GALNT13: variants seen among roughly 807,000 people sequenced by gnomAD.
GALNT13 encodes polypeptide N-acetylgalactosaminyltransferase 13.
In GALNT13, 28 loss-of-function variants were observed where a neutral mutation model predicts 64.2. The ratio of observed to expected loss-of-function variants is 0.44; its 90% CI spans 0.32 to 0.60. The LOEUF (loss-of-function observed/expected upper bound fraction) is 0.60, where lower values mean the gene tolerates loss of function less well. Among genes scored for constraint, GALNT13 ranks in the 20% least tolerant of loss-of-function variants. The pLI is 0.05. For missense variants in GALNT13, 577 were observed against 669.8 expected (o/e 0.86, Z 1.53); for synonymous variants, 214 against 224.6 (o/e 0.95, Z 0.42).
At chr2:154,318,942 A>G (rs1694474294) in intron 9 of GALNT13, among the ~76,000 whole-genome samples, 1 of 152,104 alleles carries the variant, frequency 6.6e-6, no homozygotes, top group Non-Finnish European at 1.5e-5. Flanking sequence ...TACAGAGAGC[A>G]TATGATAATC....
chr2:154,076,951 A>G lies in GALNT13; in HGVS notation c.143-63386A>G, dbSNP rs558386199. On this transcript the variant is annotated intron_variant, in intron 3 of 12. Transcript: ENST00000392825. ...AGTGAAACTTATTAACGTTTGCAGCATTTCCTAAGGTGGTCTCTAAAATCT... is the reference window on the plus strand; with the variant it reads ...AGTGAAACTTATTAACGTTTGCAGCGTTTCCTAAGGTGGTCTCTAAAATCT... Among the ~76,000 whole-genome samples, 4 of 151,724 alleles carry G rather than the reference A, an allele frequency of 2.6e-5. No individual in the cohort carries two copies. In the East Asian group the frequency reaches 7.8e-4, roughly 29 times the overall value.
chr2:153,965,268 C>T (rs1178679974), intron 3 of GALNT13, among the ~76,000 whole-genome samples: 4 of 152,016 alleles, frequency 2.6e-5, no homozygotes, highest in African/African-American at 4.8e-5. Context: ...TATACTTGTC[C>T]TATTGTACTA....
At chr2:154,208,646 G>GTGTGTGTGTT (rs1553495808) in intron 4 of GALNT13, among the ~76,000 whole-genome samples, 4 of 140,184 alleles carry the variant, frequency 2.9e-5, no homozygotes, top group African/African-American at 1.1e-4. Flanking sequence ...GTGTGTGTGT[G>GTGTGTGTGTT]TGTGTGTGTG....
the GALNT13 span, among the ~76,000 whole-genome samples, chr2:153,511,064 T>G: frequency 6.6e-6 from 1 of 151,932 alleles, no homozygotes; most frequent in African/African-American, 2.4e-5. Context: ...ACGATTTCCT[T>G]TATTTGGGAG....
intron 1 of GALNT13, among the ~76,000 whole-genome samples, chr2:153,899,066 A>G (rs958978129): frequency 1.1e-4 from 16 of 152,194 alleles, no homozygotes; most frequent in Admixed American, 3.9e-4. Flanking sequence ...AGGATTTTTT[A>G]TGAGAAATCT....
At chr2:154,222,920 A>G (rs898428889) in intron 4 of GALNT13, among the ~76,000 whole-genome samples, 2 of 152,196 alleles carry the variant, frequency 1.3e-5, no homozygotes, top group African/African-American at 2.4e-5. Flanking sequence ...TAAGGACAAT[A>G]TAAGCTATGC....
At chr2:153,199,124 C>T in the GALNT13 span, among the ~76,000 whole-genome samples, 55 of 152,294 alleles carry the variant, frequency 3.6e-4, no homozygotes, top group African/African-American at 1.3e-3. Flanking sequence ...GGGATCATCC[C>T]AGGTTTCTTG....
chr2:153,634,836 A>G, the GALNT13 span, among the ~76,000 whole-genome samples: 1 of 151,732 alleles, frequency 6.6e-6, no homozygotes, highest in Non-Finnish European at 1.5e-5. Flanking sequence ...GGCGTGAGCC[A>G]CCATGCCCAG....
At chr2:153,395,429 G>A in the GALNT13 span, among the ~76,000 whole-genome samples, 2 of 152,118 alleles carry the variant, frequency 1.3e-5, no homozygotes, top group African/African-American at 4.8e-5. Context: ...AACGAATGCT[G>A]AAGACCTTGA....
At chr2:153,605,315 G>A in the GALNT13 span, among the ~76,000 whole-genome samples, 3 of 152,090 alleles carry the variant, frequency 2.0e-5, no homozygotes, top group Non-Finnish European at 4.4e-5. Flanking sequence ...CTCTTGCTAA[G>A]CAAGCTCATT....
At chr2:153,877,317 T>A (rs1017102478) in intron 1 of GALNT13, among the ~76,000 whole-genome samples, 13 of 152,122 alleles carry the variant, frequency 8.5e-5, no homozygotes, top group African/African-American at 3.1e-4. Context: ...TACATTGAAT[T>A]GTCACTTAAA....
chr2:153,819,180 T>G, the GALNT13 span, among the ~76,000 whole-genome samples: 1 of 152,100 alleles, frequency 6.6e-6, no homozygotes, highest in South Asian at 2.1e-4. Flanking sequence ...AGCCCCTCTT[T>G]AAAGAAGCAG....
At chr2:154,404,179 A>G (rs1699424836) in intron 10 of GALNT13, among the ~76,000 whole-genome samples, 1 of 152,164 alleles carries the variant, frequency 6.6e-6, no homozygotes, top group South Asian at 2.1e-4. Context: ...GACAAGTAAT[A>G]TTACACATCC....
chr2:153,629,813 C>T, the GALNT13 span, among the ~76,000 whole-genome samples: 1 of 146,818 alleles, frequency 6.8e-6, no homozygotes, highest in Non-Finnish European at 1.5e-5. Context: ...AAAAAGCAAA[C>T]AACCCCATCA....
chr2:153,117,768 G>A, the GALNT13 span, among the ~76,000 whole-genome samples: 1 of 152,090 alleles, frequency 6.6e-6, no homozygotes, highest in East Asian at 1.9e-4. Flanking sequence ...TTTATCTAAA[G>A]TCATCATGGT....
At chr2:153,099,938 TTATGAC>T in the GALNT13 span, among the ~76,000 whole-genome samples, 1 of 152,188 alleles carries the variant, frequency 6.6e-6, no homozygotes, top group East Asian at 1.9e-4. Context: ...ATCTCAGGAA[TTATGAC>T]TATAAGTTGA....
At chr2:153,447,071 T>G in the GALNT13 span, among the ~76,000 whole-genome samples, 1 of 152,220 alleles carries the variant, frequency 6.6e-6, no homozygotes, top group East Asian at 1.9e-4. Context: ...TCAGATTAAG[T>G]GCTCTTTTGT....
the GALNT13 span, among the ~76,000 whole-genome samples, chr2:153,214,376 A>G: frequency 3.3e-5 from 5 of 152,208 alleles, no homozygotes; most frequent in Non-Finnish European, 5.9e-5. Context: ...TGATGACTCA[A>G]TAACAACTTG....
chr2:153,780,992 C>T, the GALNT13 span, among the ~76,000 whole-genome samples: 24 of 152,272 alleles, frequency 1.6e-4, no homozygotes, highest in Admixed American at 2.6e-4. Flanking sequence ...CATGGAATGA[C>T]CATGTGCCTG....
Sources: gnomAD v4.1 joint callset for allele counts (sites outside exome capture counted in the v4.1 genomes callset) on GRCh38, gnomAD v4.1.1 for gene constraint, MANE v1.5 for transcripts, NCBI Gene and HGNC (gene_info 2026-07-23, HGNC 2026-07-21) for gene names.